DDX3X: variants seen among roughly 807,000 people sequenced by gnomAD.
The protein encoded by DDX3X is ATP-dependent RNA helicase DDX3X.
DDX3X carries 4 observed loss-of-function variants against 52.7 expected under a neutral mutation model. The observed-to-expected ratio is 0.08, with a 90% confidence interval of 0.04 to 0.17. The LOEUF (loss-of-function observed/expected upper bound fraction) is 0.17. Among genes scored for constraint, DDX3X ranks in the 10% least tolerant of loss-of-function variants. The pLI is 1.00. For missense variants in DDX3X, 222 were observed against 548.6 expected, an observed-to-expected ratio of 0.40 and a Z score of 5.95; for synonymous variants, 192 against 178.1, an observed-to-expected ratio of 1.08 and a Z score of -0.62.
At chrX:41,343,616 G>T in intron 7 of DDX3X, 121 bp from the exon 8 acceptor site, 1 of 684,122 alleles carries the variant, frequency 1.5e-6, no homozygotes, top group South Asian at 3.3e-5. Flanking sequence ...CCACTTTTTG[G>T]AAAACTTAAG....
intron 3 of DDX3X, chrX:41,340,605 A>G (rs1018070070): frequency 1.7e-4 from 45 of 266,173 alleles, no homozygotes; most frequent in Admixed American, 5.2e-4. Flanking sequence ...TACTGAGAAT[A>G]TATAGTGATG....
rs1199089251 is a variant in DDX3X, at chrX:41,346,212, T to C, written c.1316-17T>C. 4 of 1,194,684 alleles carry C rather than the reference T, an allele frequency of 3.3e-6. No individual in the cohort carries two copies. The highest frequency in any genetic ancestry group is 1.8e-5 in the South Asian group (1 of 54,115). ...AAGCCATGTTAGTGACAAAAACCTA[T>C]AATTTTTCAACGACAGGCAAGGATT... On this transcript the variant is annotated splice_polypyrimidine_tract_variant and intron_variant, in intron 12 of 16. Coordinates refer to ENST00000644876, the MANE Select transcript of DDX3X (RefSeq NM_001356.5).
intron 3 of DDX3X, chrX:41,340,856 G>C (rs918072140): frequency 2.7e-5 from 8 of 294,795 alleles, no homozygotes; most frequent in African/African-American, 8.2e-5. Flanking sequence ...CCTATAAAAT[G>C]AATGGAAATT....
chrX:41,342,991 A>T (rs1317884446), intron 6 of DDX3X, 155 bp downstream of exon 6: 3 of 566,278 alleles, frequency 5.3e-6, no homozygotes, highest in Non-Finnish European at 8.4e-6. Context: ...CATTATGAAT[A>T]ATTTATTACC....
chrX:41,336,681 G>C (rs1298251241), intron 1 of DDX3X: 2 of 111,600 alleles, frequency 1.8e-5, no homozygotes, highest in Non-Finnish European at 3.8e-5. Context: ...GGAGGTTGCA[G>C]TGAGCCGAGA....
intron 6 of DDX3X, 108 bp from the exon 7 acceptor site, chrX:41,343,108 A>C: frequency 1.1e-6 from 1 of 936,243 alleles, no homozygotes; most frequent in Non-Finnish European, 1.5e-6. Flanking sequence ...ATTTTACTTA[A>C]ACTATAAACT....
downstream of DDX3X, among the ~76,000 whole-genome samples, chrX:41,352,774 G>C (rs2063993993): frequency 9.0e-6 from 1 of 110,926 alleles, no homozygotes; most frequent in Non-Finnish European, 1.9e-5. Context: ...TTTTGGTTTT[G>C]GTTTTTGCTT....
chrX:41,337,571 C>T (rs1289965559), intron 2 of DDX3X, 106 bp downstream of exon 2: 1 of 603,591 alleles, frequency 1.7e-6, no homozygotes, highest in Non-Finnish European at 2.7e-6. Context: ...TTTTTTACTG[C>T]TTAAAGAATT....
chrX:41,340,857 A>G (rs1302365319), intron 3 of DDX3X: 1 of 295,055 alleles, frequency 3.4e-6, no homozygotes, highest in African/African-American at 2.7e-5. Context: ...CTATAAAATG[A>G]ATGGAAATTA....
chrX:41,350,577 G>A (rs2063976211), downstream of DDX3X: 1 of 111,495 alleles, frequency 9.0e-6, no homozygotes, highest in East Asian at 2.8e-4. Flanking sequence ...TAAAAGTCAA[G>A]TGTGTCAGTA....
At chrX:41,334,019 T>G, upstream of DDX3X, 1 of 416,019 alleles carries the variant, frequency 2.4e-6, no homozygotes, top group Non-Finnish European at 4.3e-6. Flanking sequence ...CCCTTGAGCT[T>G]AGACCTGAGG....
At chrX:41,355,645 C>CTTTTTTTT (rs36111286) in intron 5 of DDX3X, among the ~76,000 whole-genome samples, 1 of 85,811 alleles carries the variant, frequency 1.2e-5, no homozygotes, top group Non-Finnish European at 2.2e-5. Context: ...TTTTCTTTTT[C>CTTTTTTTT]TTTTTTTTTT....
intron 5 of DDX3X, among the ~76,000 whole-genome samples, chrX:41,360,039 G>A (rs2147372938): frequency 9.2e-6 from 1 of 109,212 alleles, no homozygotes; most frequent in South Asian, 3.9e-4. Context: ...AAGAGAGGAA[G>A]TAGTGTCACT....
intron 5 of DDX3X, among the ~76,000 whole-genome samples, chrX:41,361,347 C>G (rs1327583783): frequency 2.8e-5 from 3 of 108,696 alleles, no homozygotes; most frequent in Non-Finnish European, 5.7e-5. Flanking sequence ...CCTGTCTGTA[C>G]TGAAAATACA....
At position 41,347,962 on chromosome X, in the gene DDX3X, G is replaced by A. The variant is rs1012020929; in HGVS notation, c.*243G>A. ...TGTAGTTTGGATTAACTCCCCTCCCGCCTACCCCCATCCCAAACTGCATTT... is the reference window on the plus strand; with the variant it reads ...TGTAGTTTGGATTAACTCCCCTCCCACCTACCCCCATCCCAAACTGCATTT... On this transcript the variant is annotated 3_prime_UTR_variant, in exon 17 of 17. Coordinates refer to ENST00000644876, the MANE Select transcript of DDX3X (RefSeq NM_001356.5). 7.8e-5 allele frequency: 27 copies of A among 347,598 alleles called. No individual in the cohort carries two copies. Among genetic ancestry groups the A allele is most frequent in the Non-Finnish European group, 1.1e-4 (23 of 203,776 alleles). 28.6% of individuals were successfully genotyped at this position (347,598 alleles called of 1,213,427 possible).
intron 2 of DDX3X, 95 bp downstream of exon 2, chrX:41,337,560 A>G: frequency 3.0e-6 from 2 of 673,392 alleles, no homozygotes; most frequent in Non-Finnish European, 4.6e-6. Flanking sequence ...TTGCCTTTCA[A>G]TTTTTTACTG....
intron 1 of DDX3X, chrX:41,335,667 T>G (rs1395008967): frequency 1.8e-5 from 2 of 112,236 alleles, no homozygotes; most frequent in Non-Finnish European, 3.8e-5. Context: ...TGGCACAAAT[T>G]AATTGAATAC....
At chrX:41,338,123 A>G (rs2063797452) in intron 2 of DDX3X, 1 of 110,439 alleles carries the variant, frequency 9.1e-6, no homozygotes, top group Admixed American at 9.7e-5. Context: ...AAGGGGGGTT[A>G]TTTAGAGACT....
At chrX:41,333,495 T>A (rs2147330995), upstream of DDX3X, 1 of 110,106 alleles carries the variant, frequency 9.1e-6, no homozygotes. Context: ...CGGAGCACTC[T>A]ATATTCAAGC....
Sources: allele counts gnomAD v4.1 joint callset (sites outside exome capture counted in the v4.1 genomes callset), GRCh38; gene constraint gnomAD v4.1.1; transcripts MANE v1.5; gene names NCBI Gene and HGNC (gene_info 2026-07-23, HGNC 2026-07-21).